The following MAP3K10 variants were observed in gnomAD, a reference collection of about 807,000 sequenced individuals.
MAP3K10 encodes mitogen-activated protein kinase kinase kinase 10, also known as MKN28 derived nonreceptor_type serine/threonine kinase.
MAP3K10 carries 22 observed loss-of-function variants against 75.0 expected under a neutral mutation model. The ratio of observed to expected loss-of-function variants is 0.29; its 90% CI spans 0.21 to 0.42. MAP3K10 has a LOEUF of 0.42. Ranked by LOEUF, MAP3K10 falls within the 10% of genes least tolerant of loss-of-function variation. The pLI is 1.00. For missense variants in MAP3K10, 1,165 were observed against 1,379.8 expected, an observed-to-expected ratio of 0.84 and a Z score of 2.47; for synonymous variants, 599 against 612.9, an observed-to-expected ratio of 0.98 and a Z score of 0.34.
intron 5 of MAP3K10, 53 bp from the exon 6 acceptor site, chr19:40,209,049 CT>C: frequency 7.5e-7 from 1 of 1,328,570 alleles, no homozygotes; most frequent in South Asian, 1.2e-5. Flanking sequence ...AGAAAATTCC[CT>C]TTGGTAATCC....
At chr19:40,201,338 A>G (rs937502204) in intron 2 of MAP3K10, among the ~76,000 whole-genome samples, 1 of 150,438 alleles carries the variant, frequency 6.6e-6, no homozygotes, top group Non-Finnish European at 1.5e-5. Flanking sequence ...AGGCCCAGCT[A>G]ATTTTTGTAT....
rs112490599 is a variant in MAP3K10 at position 40,200,688 on chromosome 19, A to G, written c.863+2133A>G. On this transcript the variant is annotated intron_variant, in intron 2 of 9. Coordinates refer to ENST00000253055, the MANE Select transcript of MAP3K10 (RefSeq NM_002446.4). ...GGCTGGAGTGCAATGGCACAATCTC[A>G]GCTCACTGCACCCTCCTCCTCCCAG... Among the ~76,000 whole-genome samples the G allele has an allele frequency of 7.3e-3, 984 of 135,566 alleles. 13 individuals carry two copies. The highest frequency in any genetic ancestry group is 0.026 in the African/African-American group (928 of 35,960). 88.9% of individuals were successfully genotyped at this position (135,566 alleles called of 152,430 possible).
chr19:40,205,071 A>G lies in MAP3K10; in HGVS notation c.1013-50A>G, dbSNP rs777263955. ...GAGCAGGCTGAGTCCCCAGAGCATG[A>G]CCACTGACACCTCCATGCCCCACCA... is the stretch of plus-strand genomic sequence containing the variant. On this transcript the variant is annotated intron_variant, in intron 3 of 9. Coordinates refer to ENST00000253055, the MANE Select transcript of MAP3K10 (RefSeq NM_002446.4). The surrounding 1 kb of genome is among the most constrained non-coding windows in gnomAD (Gnocchi z 4.3). The G allele has an allele frequency of 1.0e-5, 16 of 1,550,490 alleles. No homozygotes were observed. Among genetic ancestry groups the G allele is most frequent in the Non-Finnish European group, 1.4e-5 (16 of 1,125,664 alleles).
In MAP3K10 at chr19:40,198,518, C is replaced by T. The variant is rs1211976310; in HGVS notation, c.826C>T (p.Arg276Cys). The change falls in exon 2 of 10, where the codon CGT becomes TGT. Residue 276 changes from arginine (R) to cysteine (C), a missense_variant. Coordinates refer to ENST00000253055, the MANE Select transcript of MAP3K10 (RefSeq NM_002446.4). The surrounding 1 kb of genome is among the most constrained non-coding windows in gnomAD (Gnocchi z 4.3). ...TYAWMAPEVIRLSLFSKSSDV... is the reference protein window; with the variant it reads ...TYAWMAPEVICLSLFSKSSDV... ...CGCCTGGATGGCGCCGGAGGTTATC[C>T]GTCTCTCCCTCTTCTCCAAAAGCAG... 6.2e-7 allele frequency: 1 copy of T among 1,613,648 alleles called. No individual in the cohort carries two copies. Among genetic ancestry groups the T allele is most frequent in the Non-Finnish European group, 8.5e-7 (1 of 1,179,690 alleles).
At position 40,192,802 on chromosome 19, in the gene MAP3K10, T is replaced by G; in HGVS notation, c.682+89T>G. 4.8e-6 allele frequency: 5 copies of G among 1,051,840 alleles called. No homozygotes were observed. In the South Asian group the frequency reaches 8.4e-5, roughly 18 times the overall value. 65.2% of individuals were successfully genotyped at this position (1,051,840 alleles called of 1,614,324 possible). On this transcript the variant is annotated intron_variant, in intron 1 of 9. Transcript: ENST00000253055. The surrounding 1 kb of genome is among the most constrained non-coding windows in gnomAD (Gnocchi z 7.1). ...GGGAAACAGGGTGAGGGACACCAGATGACACTGTGCCTGGAGTGAGAAGGG... is the reference window on the plus strand; with the variant it reads ...GGGAAACAGGGTGAGGGACACCAGAGGACACTGTGCCTGGAGTGAGAAGGG...
In MAP3K10 at chr19:40,214,010, A is replaced by ACCCCCCCCCCCCCCC; in HGVS notation, c.2334_2335insCCCCCCCCCCCCCCC (p.Pro778_Ser779insProProProProPro). 1.4e-6 allele frequency: 1 copy of ACCCCCCCCCCCCCCC among 726,374 alleles called. No homozygotes were observed. The highest frequency in any genetic ancestry group is 1.9e-6 in the Non-Finnish European group (1 of 538,530). 45.0% of individuals were successfully genotyped at this position (726,374 alleles called of 1,614,324 possible). On this transcript the variant is annotated inframe_insertion, in exon 9 of 10. Transcript: ENST00000253055. ...CCGCACCGGCCGCGCCCTCCCCACC[A>ACCCCCCCCCCCCCCC]CCCTCCCCGCCCGCGCCCACACCCA...
In MAP3K10 at chr19:40,210,650, G is replaced by A. The variant is rs552357747; in HGVS notation, c.1552+1431G>A. ...TGAGAGGCGGAGGTTGCAGTGAGCC[G>A]AGATCGTGCCACTGCACTCCAGCCT... is the stretch of plus-strand genomic sequence containing the variant. On this transcript the variant is annotated intron_variant, in intron 6 of 9. Coordinates refer to ENST00000253055, the MANE Select transcript of MAP3K10 (RefSeq NM_002446.4). Among the ~76,000 whole-genome samples the A allele has an allele frequency of 7.4e-4, 112 of 151,938 alleles. 1 individual carries two copies. Among genetic ancestry groups the A allele is most frequent in the African/African-American group, 1.8e-3 (75 of 41,410 alleles).
chr19:40,204,866 G>A lies in MAP3K10; in HGVS notation c.1012+233G>A, dbSNP rs1973087782. ...CAGGACAACCTGTTAGGATTCCTTG[G>A]CCCTGGGATTCCACCTTGATCCTGA... On this transcript the variant is annotated intron_variant, in intron 3 of 9. Transcript: ENST00000253055. The surrounding 1 kb of genome is among the most constrained non-coding windows in gnomAD (Gnocchi z 4.3). The A allele has an allele frequency of 1.6e-6, 1 of 630,780 alleles. No individual in the cohort carries two copies. The allele number at this position is 630,780 out of a possible 1,614,324, so 39.1% of individuals were successfully genotyped here.
chr19:40,192,604 G>A lies in MAP3K10; in HGVS notation c.573G>A (p.Val191=), dbSNP rs1972841735. The change falls in exon 1 of 10, where the codon GTG becomes GTA. Residue 191 remains valine (V), a synonymous_variant. Transcript: ENST00000253055. This position sits in a 1 kb window ranked among gnomAD's most constrained non-coding sequence, Gnocchi z 7.1. ...GCAGGGTGCTGGCAGGTCGCCGGGT[G>A]CCACCTCACGTGCTGGTCAACTGGG... ...ALSRVLAGRR[V]PPHVLVNWAV... is the part of the protein sequence containing the mutation. 2 of 1,612,282 alleles carry A rather than the reference G, an allele frequency of 1.2e-6. No individual in the cohort carries two copies. Among genetic ancestry groups the A allele is most frequent in the Non-Finnish European group, 1.7e-6 (2 of 1,179,434 alleles).
intron 5 of MAP3K10, among the ~76,000 whole-genome samples, chr19:40,207,372 C>A (rs747952363): frequency 4.6e-5 from 7 of 152,030 alleles, no homozygotes; most frequent in Non-Finnish European, 5.9e-5. Context: ...ATACAAGCCA[C>A]GTGTATAATT....
At position 40,214,971 on chromosome 19, in the gene MAP3K10, C is replaced by T. The variant is rs762774931; in HGVS notation, c.2544C>T (p.Gly848=). The change falls in exon 10 of 10, where the codon GGC becomes GGT. Residue 848 remains glycine, a splice_region_variant and synonymous_variant. Coordinates refer to ENST00000253055, the MANE Select transcript of MAP3K10 (RefSeq NM_002446.4). ...CCTCCTCTGAACCTCTCTTACCAGG[C>T]CCTCGTGACCTTCTGGACTTCCCCC... ...GPPEPAGHGP[G]PRDLLDFPRL... is the part of the protein sequence containing the mutation. The T allele has an allele frequency of 6.6e-7, 1 of 1,525,044 alleles. No homozygotes were observed. The highest frequency in any genetic ancestry group is 1.4e-5 in the African/African-American group (1 of 73,552). 94.5% of individuals were successfully genotyped at this position (1,525,044 alleles called of 1,614,324 possible).
chr19:40,205,577 G>T lies in MAP3K10; in HGVS notation c.1188+281G>T, dbSNP rs762737024. On this transcript the variant is annotated intron_variant, in intron 4 of 9. Transcript: ENST00000253055. This position sits in a 1 kb window ranked among gnomAD's most constrained non-coding sequence, Gnocchi z 4.3. ...GAGGGCAAGAGGAGAGAAGGACGGG[G>T]ATACAAGATTCGCAAAGCATAGGTA... The T allele has an allele frequency of 1.9e-6, 1 of 539,682 alleles. No homozygotes were observed. The highest frequency in any genetic ancestry group is 3.1e-5 in the Admixed American group (1 of 31,800). 33.4% of individuals were successfully genotyped at this position (539,682 alleles called of 1,614,324 possible).
intron 1 of MAP3K10, among the ~76,000 whole-genome samples, chr19:40,195,533 A>AC (rs2145068847): frequency 8.7e-6 from 1 of 115,548 alleles, no homozygotes; most frequent in South Asian, 3.0e-4. Context: ...TCACTCTGTG[A>AC]CCCAGGCTGG....
Position 40,212,769 on chromosome 19 carries a change from C to T in MAP3K10, c.1553-36C>T. On this transcript the variant is annotated intron_variant, in intron 6 of 9. Transcript: ENST00000253055. This position sits in a 1 kb window ranked among gnomAD's most constrained non-coding sequence, Gnocchi z 4.2. The stretch of plus-strand genomic sequence containing the variant: ...GCTGGGAGCCCAGTGGGGACAGATC[C>T]TCCACCCAGTAACCAAGTGGCTTCT... 1 of 1,565,706 alleles carries T rather than the reference C, an allele frequency of 6.4e-7. No individual in the cohort carries two copies. The highest frequency in any genetic ancestry group is 1.2e-5 in the South Asian group (1 of 85,354).
intron 2 of MAP3K10, among the ~76,000 whole-genome samples, chr19:40,201,067 A>T (rs2145078026): frequency 6.6e-6 from 1 of 152,074 alleles, no homozygotes; most frequent in Admixed American, 6.5e-5. Context: ...GGGGTGGATC[A>T]TGCTACCCTC....
At position 40,213,873 on chromosome 19, in the gene MAP3K10, G is replaced by A. The variant is rs1361983796; in HGVS notation, c.2194G>A (p.Glu732Lys). 2.1e-6 allele frequency: 3 copies of A among 1,427,660 alleles called. No homozygotes were observed. The highest frequency in any genetic ancestry group is 2.7e-6 in the Non-Finnish European group (3 of 1,098,020). 88.4% of individuals were successfully genotyped at this position (1,427,660 alleles called of 1,614,324 possible). Residue 732 changes from glutamate (E) to lysine (K), a missense_variant, in exon 9 of 10, where the codon GAA becomes AAA. Physicochemically the swap from Glu to Lys is moderately conservative, Grantham distance 56 (BLOSUM62 1). Around this residue, in one of 2 missense-constraint regions of MAP3K10, gnomAD observed 590 missense variants for 586.6 expected, o/e 1.01. Transcript: ENST00000253055. The surrounding 1 kb of genome is among the most constrained non-coding windows in gnomAD (Gnocchi z 5.7). ...ACCCGCGCGTCCCCACGGCCGCCGC[G>A]AAGACGTGGGCCCCGGCCTGGGCCT... ...SPPARPHGRR[E>K]DVGPGLGLAP... is the part of the protein sequence containing the mutation.
intron 9 of MAP3K10, 111 bp downstream of exon 9, chr19:40,214,332 T>C (rs1599920140): frequency 8.2e-7 from 1 of 1,218,236 alleles, no homozygotes; most frequent in Non-Finnish European, 1.1e-6. Flanking sequence ...TCCTGCTTCT[T>C]GTGGAGGAGG....
Position 40,214,147 on chromosome 19 carries a change from G to C in MAP3K10, c.2468G>C (p.Arg823Pro), listed in dbSNP as rs768858989. 1 of 1,535,172 alleles carries C rather than the reference G, an allele frequency of 6.5e-7. No homozygotes were observed. Among genetic ancestry groups the C allele is most frequent in the East Asian group, 2.5e-5 (1 of 39,768 alleles). ...GTCACGGCTGCATGCGCTGTGAGCC[G>C]CGGGCACCGGCGGACGCCATCGGAC... Reference protein sequence around the residue: ...THVTAACAVSRGHRRTPSDGA... With the variant: ...THVTAACAVSPGHRRTPSDGA... Residue 823 changes from arginine to proline, a missense_variant, in exon 9 of 10, where the codon CGC becomes CCC. Coordinates refer to ENST00000253055, the MANE Select transcript of MAP3K10 (RefSeq NM_002446.4).
intron 2 of MAP3K10, among the ~76,000 whole-genome samples, chr19:40,201,220 C>T (rs1407537816): frequency 4.7e-5 from 7 of 149,890 alleles, no homozygotes; most frequent in African/African-American, 1.2e-4. Context: ...TCGCCCAGGC[C>T]GGAGTACAGC....
Sources: gnomAD v4.1 joint callset for allele counts (sites outside exome capture counted in the v4.1 genomes callset) on GRCh38, gnomAD v4.1.1 for gene constraint, gnomAD v4.1.1 regional missense constraint, Gnocchi (gnomAD v3.1) non-coding constraint, MANE v1.5 for transcripts, NCBI Gene and HGNC (gene_info 2026-07-23, HGNC 2026-07-21) for gene names.